Variants in MLIP observed in about 807,000 individuals in gnomAD.
MLIP encodes the protein muscular LMNA interacting protein.
A neutral mutation model predicts 84.8 loss-of-function variants in MLIP; 79 were observed. That is an observed-to-expected ratio of 0.93 (90% CI 0.78 to 1.12). The LOEUF (loss-of-function observed/expected upper bound fraction) is 1.12. Ranked by LOEUF, MLIP falls within the 50% of genes most tolerant of loss-of-function variation. MLIP has a pLI of 0.00. For missense variants in MLIP, 1,257 were observed against 1,160.6 expected, an observed-to-expected ratio of 1.08 and a Z score of -1.21; for synonymous variants, 504 against 463.0, an observed-to-expected ratio of 1.09 and a Z score of -1.14.
chr6:54,158,388 G>T (rs79618437), intron 5 of MLIP, among the ~76,000 whole-genome samples: 1 of 151,988 alleles, frequency 6.6e-6, no homozygotes, highest in Non-Finnish European at 1.5e-5. Flanking sequence ...TTCAAGCGAC[G>T]ATATTTCTCT....
intron 12 of MLIP, among the ~76,000 whole-genome samples, chr6:54,256,949 G>A (rs1241377097): frequency 1.3e-5 from 2 of 152,084 alleles, no homozygotes; most frequent in Non-Finnish European, 2.9e-5. Flanking sequence ...TATCTGAGAG[G>A]TGAAGCATAA....
intron 10 of MLIP, among the ~76,000 whole-genome samples, chr6:54,195,345 CT>C (rs1339606846): frequency 2.0e-5 from 3 of 151,906 alleles, no homozygotes; most frequent in Non-Finnish European, 4.4e-5. Flanking sequence ...TCCTTTATTT[CT>C]TTTTTGCTTT....
upstream of MLIP, among the ~76,000 whole-genome samples, chr6:54,108,811 T>C (rs893253525): frequency 1.3e-5 from 2 of 152,014 alleles, no homozygotes; most frequent in African/African-American, 4.8e-5. Context: ...GCTTTCTGTT[T>C]GTGGGAGAGA....
chr6:54,079,953 G>C (rs1473687027), intron 1 of MLIP, among the ~76,000 whole-genome samples: 1 of 152,184 alleles, frequency 6.6e-6, no homozygotes, highest in Non-Finnish European at 1.5e-5. Context: ...AGGTTAGAAA[G>C]TTAGTGGAGG....
chr6:54,175,527 CTT>C (rs1236705420), intron 9 of MLIP, among the ~76,000 whole-genome samples: 3 of 151,714 alleles, frequency 2.0e-5, no homozygotes, highest in Non-Finnish European at 2.9e-5. Flanking sequence ...TGATAGTACT[CTT>C]TTGACTTCTT....
At chr6:54,111,638 G>C in intron 1 of MLIP, 63 bp downstream of exon 1, 1 of 1,496,508 alleles carries the variant, frequency 6.7e-7, no homozygotes, top group South Asian at 1.2e-5. Context: ...GGTGCTGGTG[G>C]TATTTGCTGC....
chr6:54,121,555 A>G lies in MLIP; in HGVS notation c.205A>G (p.Lys69Glu), dbSNP rs775268876. ...GGCTGACACCTCTAAATTCCTTGTT[A>G]AAATTCCAGAAGAATCAAGTGATAA... Reference protein sequence around the residue: ...QLADTSKFLVKIPEESSDKSP... With the variant: ...QLADTSKFLVEIPEESSDKSP... Residue 69 changes from lysine (K) to glutamate (E), a missense_variant, in exon 2 of 14, where the codon AAA (lysine) becomes GAA (glutamate). Physicochemically the swap from Lys to Glu is moderately conservative, Grantham distance 56. Coordinates refer to ENST00000502396, the MANE Select transcript of MLIP (RefSeq NM_001281747.2). 6.2e-7 allele frequency: 1 copy of G among 1,613,800 alleles called. No individual in the cohort carries two copies. The highest frequency in any genetic ancestry group is 1.7e-5 in the Admixed American group (1 of 60,002).
intron 13 of MLIP, among the ~76,000 whole-genome samples, chr6:54,258,320 A>T (rs7741347): frequency 0.23 from 34,882 of 151,940 alleles, 6,748 homozygotes; most frequent in African/African-American, 0.53. Context: ...TACTATCTAC[A>T]TTTCCTAAAC....
chr6:54,054,973 C>T (rs1026105982), intron 1 of MLIP, among the ~76,000 whole-genome samples: 1 of 152,128 alleles, frequency 6.6e-6, no homozygotes, highest in East Asian at 1.9e-4. Flanking sequence ...CTACAAGCTC[C>T]GCCTCCTGGG....
Position 54,230,862 on chromosome 6 carries a change from T to C in MLIP, c.2867T>C (p.Leu956Ser), listed in dbSNP as rs771354911. The change falls in exon 12 of 14, where the codon TTG becomes TCG. Residue 956 changes from leucine (L) to serine (S), a missense_variant. By Grantham distance (145) the Leu-to-Ser change is moderately radical. Coordinates refer to ENST00000502396, the MANE Select transcript of MLIP (RefSeq NM_001281747.2). ...CCCTTCAGTCATCTGTCCTTCTCCT[T>C]GAGTGATGAACAGGAGAATTCTCAC... ...PGPFSHLSFS[L>S]SDEQENSHTL... 8 of 1,613,874 alleles carry C rather than the reference T, an allele frequency of 5.0e-6. No homozygotes were observed. The highest frequency in any genetic ancestry group is 5.9e-6 in the Non-Finnish European group (7 of 1,179,964).
intron 1 of MLIP, among the ~76,000 whole-genome samples, chr6:54,093,925 A>G (rs761307006): frequency 4.5e-4 from 68 of 152,202 alleles, no homozygotes; most frequent in Non-Finnish European, 8.2e-4. Flanking sequence ...GAGTTTGCCA[A>G]CTTCTGGGAA....
chr6:54,177,892 C>A (rs186236137), intron 9 of MLIP, among the ~76,000 whole-genome samples: 1 of 152,016 alleles, frequency 6.6e-6, no homozygotes, highest in Non-Finnish European at 1.5e-5. Context: ...ATGTCTTTTG[C>A]GGGAACATGG....
chr6:54,027,707 A>G (rs567278129), intron 1 of MLIP, among the ~76,000 whole-genome samples: 1 of 152,330 alleles, frequency 6.6e-6, no homozygotes, highest in Non-Finnish European at 1.5e-5. Flanking sequence ...GAAAAGTGAA[A>G]CTGATAAGGA....
intron 9 of MLIP, among the ~76,000 whole-genome samples, chr6:54,179,934 C>G (rs759799414): frequency 1.1e-4 from 17 of 152,238 alleles, no homozygotes; most frequent in Admixed American, 5.9e-4. Flanking sequence ...CATTAACAGT[C>G]TTTTCTTTCA....
intron 8 of MLIP, among the ~76,000 whole-genome samples, chr6:54,162,250 T>C (rs953734491): frequency 2.0e-4 from 30 of 152,102 alleles, no homozygotes; most frequent in Admixed American, 3.9e-4. Context: ...ACAGAAATTT[T>C]GATCAGGAAT....
intron 1 of MLIP, among the ~76,000 whole-genome samples, chr6:54,098,336 T>TC (rs954537570): frequency 2.8e-5 from 4 of 145,352 alleles, no homozygotes; most frequent in African/African-American, 5.1e-5. Flanking sequence ...ATTTCTTTTT[T>TC]TTTTTTTTTT....
At chr6:54,220,394 T>C (rs541982221) in intron 11 of MLIP, among the ~76,000 whole-genome samples, 3 of 152,304 alleles carry the variant, frequency 2.0e-5, no homozygotes, top group South Asian at 2.1e-4. Flanking sequence ...GATAAAATTC[T>C]CTTTTGAAGA....
At chr6:54,043,620 T>A (rs2150305708) in intron 1 of MLIP, among the ~76,000 whole-genome samples, 1 of 152,266 alleles carries the variant, frequency 6.6e-6, no homozygotes, top group East Asian at 1.9e-4. Flanking sequence ...ATCAGCCTGC[T>A]CAGAATTAAC....
intron 4 of MLIP, among the ~76,000 whole-genome samples, chr6:54,146,364 G>A (rs978601582): frequency 1.3e-5 from 2 of 152,114 alleles, no homozygotes; most frequent in Non-Finnish European, 2.9e-5. Context: ...TCTATTAAAC[G>A]CTTTTTATAA....
Sources: allele counts gnomAD v4.1 joint callset (sites outside exome capture counted in the v4.1 genomes callset), GRCh38; gene constraint gnomAD v4.1.1; transcripts MANE v1.5; gene names NCBI Gene and HGNC (gene_info 2026-07-23, HGNC 2026-07-21).